TMEM132C: variants seen among roughly 807,000 people sequenced by gnomAD.
The protein encoded by TMEM132C is protein phosphatase 1, regulatory subunit 152.
TMEM132C carries 29 observed loss-of-function variants against 61.4 expected under a neutral mutation model. That is an observed-to-expected ratio of 0.47 (90% confidence interval 0.35 to 0.64). The LOEUF is 0.64. Among genes scored for constraint, TMEM132C ranks in the 30% least tolerant of loss-of-function variants. The pLI is 0.00. For missense variants in TMEM132C, 1,408 were observed against 1,476.9 expected (o/e 0.95, Z 0.76); for synonymous variants, 656 against 633.1 (o/e 1.04, Z -0.54).
In TMEM132C at chr12:128,292,995, T is replaced by C. The variant is rs1203420555; in HGVS notation, c.85+25508T>C. 2.6e-5 allele frequency among the ~76,000 whole-genome samples: 4 copies of C among 152,174 alleles called. No individual in the cohort carries two copies. The South Asian group carries it at 6.2e-4, about 24-fold the overall frequency. On this transcript the variant is annotated intron_variant, in intron 1 of 8. Coordinates refer to ENST00000435159, the MANE Select transcript of TMEM132C (RefSeq NM_001136103.3). The stretch of plus-strand genomic sequence containing the variant: ...ATGCAAGCACGAGCACCAACTTGTG[T>C]TGTAAAATGTGATTCTTACAGTAGA...
chr12:128,423,246 C>T (rs1359003317), intron 2 of TMEM132C, among the ~76,000 whole-genome samples: 1 of 152,150 alleles, frequency 6.6e-6, no homozygotes, highest in Non-Finnish European at 1.5e-5. Context: ...TCAGCTTCGG[C>T]ACAGAAGGTG....
intron 4 of TMEM132C, among the ~76,000 whole-genome samples, chr12:128,651,105 A>T (rs1954264344): frequency 6.6e-6 from 1 of 152,150 alleles, no homozygotes; most frequent in Non-Finnish European, 1.5e-5. Context: ...TAAGAAACAA[A>T]ATTTAGCCCC....
At chr12:128,489,718 A>G (rs1012852174) in intron 2 of TMEM132C, among the ~76,000 whole-genome samples, 1 of 152,032 alleles carries the variant, frequency 6.6e-6, no homozygotes, top group East Asian at 1.9e-4. Context: ...ATATAGATAT[A>G]AAAAATTTCA....
chr12:128,654,263 G>A (rs1203516570), intron 4 of TMEM132C, among the ~76,000 whole-genome samples: 2 of 152,112 alleles, frequency 1.3e-5, no homozygotes, highest in South Asian at 2.1e-4. Flanking sequence ...CGGGGAGAGC[G>A]TTCCACGGTG....
intron 3 of TMEM132C, among the ~76,000 whole-genome samples, chr12:128,605,800 G>A (rs999248054): frequency 2.0e-5 from 3 of 152,208 alleles, no homozygotes; most frequent in Admixed American, 1.3e-4. Context: ...CCACGCTGGA[G>A]AATTTATACT....
chr12:128,388,888 GA>G lies in TMEM132C; in HGVS notation c.86-25840del, dbSNP rs1874675915. On this transcript the variant is annotated intron_variant, in intron 1 of 8. Coordinates refer to ENST00000435159, the MANE Select transcript of TMEM132C (RefSeq NM_001136103.3). ...GTGTTGGTTTCACACGTAGCTTGAG[GA>G]AAACAGTGGCAGCTGGCTAAACACA... 2.6e-5 allele frequency among the ~76,000 whole-genome samples: 4 copies of G among 152,344 alleles called. No individual in the cohort carries two copies. The South Asian group carries it at 8.3e-4, about 32-fold the overall frequency.
rs373919973 is a variant in TMEM132C, at chr12:128,498,590, G to A, written c.975-45367G>A. Among the ~76,000 whole-genome samples, 472 of 152,134 alleles carry A rather than the reference G, an allele frequency of 3.1e-3. 4 individuals carry two copies. Among genetic ancestry groups the A allele is most frequent in the African/African-American group, 0.011 (448 of 41,490 alleles). ...CTCAGGAGGCTGAGGCAAGAGAATTGCTTGAACCTGGGAGACAGATGTTGC... is the reference window on the plus strand; with the variant it reads ...CTCAGGAGGCTGAGGCAAGAGAATTACTTGAACCTGGGAGACAGATGTTGC... On this transcript the variant is annotated intron_variant, in intron 2 of 8. Coordinates refer to ENST00000435159, the MANE Select transcript of TMEM132C (RefSeq NM_001136103.3).
chr12:128,394,636 T>C (rs1874879881), intron 1 of TMEM132C, among the ~76,000 whole-genome samples: 1 of 152,234 alleles, frequency 6.6e-6, no homozygotes, highest in South Asian at 2.1e-4. Flanking sequence ...TGCTCGTATA[T>C]TCATGTTAGG....
chr12:128,268,961 G>A lies in TMEM132C; in HGVS notation c.85+1474G>A, dbSNP rs186892103. Among the ~76,000 whole-genome samples, 1,043 of 104,926 alleles carry A rather than the reference G, an allele frequency of 9.9e-3. 26 individuals carry two copies. Among genetic ancestry groups the A allele is most frequent in the African/African-American group, 0.038 (958 of 25,536 alleles). 68.8% of individuals were successfully genotyped at this position (104,926 alleles called of 152,430 possible). On this transcript the variant is annotated intron_variant, in intron 1 of 8. Transcript: ENST00000435159. ...AGAGGGGGGAAAGGGGGTGAGAGAC[G>A]AGGGAAAGGGGGGGCAAGTCGGGGG...
intron 2 of TMEM132C, 104 bp from the exon 3 acceptor site, chr12:128,543,853 A>G: frequency 6.9e-7 from 1 of 1,442,266 alleles, no homozygotes; most frequent in East Asian, 2.8e-5. Flanking sequence ...AAAAAGTGGA[A>G]AAGCAAAACA....
intron 5 of TMEM132C, among the ~76,000 whole-genome samples, chr12:128,692,805 T>C (rs1482948436): frequency 6.6e-6 from 1 of 152,224 alleles, no homozygotes; most frequent in Non-Finnish European, 1.5e-5. Flanking sequence ...CATATTTGAA[T>C]GAATAATCTG....
intron 4 of TMEM132C, among the ~76,000 whole-genome samples, chr12:128,627,808 C>T (rs567824689): frequency 1.3e-5 from 2 of 152,326 alleles, no homozygotes; most frequent in South Asian, 2.1e-4. Context: ...GTCAGGCCTC[C>T]GTGCCCAGAA....
chr12:128,473,685 C>T (rs1368390668), intron 2 of TMEM132C, among the ~76,000 whole-genome samples: 8 of 152,232 alleles, frequency 5.3e-5, no homozygotes, highest in Non-Finnish European at 1.2e-4. Context: ...TCTTCATCCT[C>T]ACTCCAGCCT....
At chr12:128,490,946 C>T (rs910429743) in intron 2 of TMEM132C, among the ~76,000 whole-genome samples, 3 of 152,104 alleles carry the variant, frequency 2.0e-5, no homozygotes, top group Admixed American at 6.5e-5. Flanking sequence ...AATTCATGGC[C>T]GCAGGAGCAC....
chr12:128,380,833 A>T lies in TMEM132C; in HGVS notation c.86-33899A>T, dbSNP rs190568119. On this transcript the variant is annotated intron_variant, in intron 1 of 8. Transcript: ENST00000435159. Reference sequence around the variant, plus strand: ...CATATTCATCAATGGATTAATGCATAACCTGATTATATGCATTTTTCTGTC... The same window carrying T: ...CATATTCATCAATGGATTAATGCATTACCTGATTATATGCATTTTTCTGTC... Among the ~76,000 whole-genome samples the T allele has an allele frequency of 1.7e-4, 26 of 152,322 alleles. 1 individual carries two copies. The highest frequency in any genetic ancestry group is 1.2e-3 in the Admixed American group (19 of 15,300).
At chr12:128,354,713 C>T (rs987528358) in intron 1 of TMEM132C, among the ~76,000 whole-genome samples, 17 of 152,196 alleles carry the variant, frequency 1.1e-4, no homozygotes, top group Middle Eastern at 3.2e-3. Flanking sequence ...CCGTGATTTA[C>T]ACTTTACCTG....
intron 2 of TMEM132C, among the ~76,000 whole-genome samples, chr12:128,534,134 T>G (rs1188342334): frequency 6.6e-6 from 1 of 152,218 alleles, no homozygotes; most frequent in Non-Finnish European, 1.5e-5. Flanking sequence ...GAACATTGAT[T>G]TTCCTTAAGG....
At chr12:128,576,783 A>T (rs955055211) in intron 3 of TMEM132C, among the ~76,000 whole-genome samples, 1 of 152,050 alleles carries the variant, frequency 6.6e-6, no homozygotes, top group Non-Finnish European at 1.5e-5. Flanking sequence ...GGTTGTCGAC[A>T]TTGTTGTTGT....
intron 1 of TMEM132C, among the ~76,000 whole-genome samples, chr12:128,388,775 T>A (rs1874671431): frequency 6.6e-6 from 1 of 152,268 alleles, no homozygotes; most frequent in African/African-American, 2.4e-5. Flanking sequence ...TTCCCTCCAC[T>A]TCCGGGCGCT....
Sources: gnomAD v4.1 joint callset for allele counts (sites outside exome capture counted in the v4.1 genomes callset) on GRCh38, gnomAD v4.1.1 for gene constraint, MANE v1.5 for transcripts, NCBI Gene and HGNC (gene_info 2026-07-23, HGNC 2026-07-21) for gene names.